Variants in NEMF observed in about 807,000 individuals in gnomAD.
NEMF encodes the protein ribosome quality control complex subunit NEMF.
A neutral mutation model predicts 162.2 loss-of-function variants in NEMF; 89 were observed. That is an observed-to-expected ratio of 0.55 (90% CI 0.46 to 0.65). The LOEUF is 0.65. Ranked by LOEUF, NEMF falls within the 30% of genes least tolerant of loss-of-function variation. The probability of loss-of-function intolerance (pLI) is 0.00; values close to 1 mark genes in which losing one functional copy is unlikely to be tolerated. For synonymous variants in NEMF, 421 were observed against 404.5 expected (o/e 1.04, Z -0.49); for missense variants, 1,133 against 1,261.9 (o/e 0.90, Z 1.55).
intron 18 of NEMF, among the ~76,000 whole-genome samples, chr14:49,810,364 C>T (rs2139890509): frequency 6.6e-6 from 1 of 151,940 alleles, no homozygotes; most frequent in Admixed American, 6.6e-5. Context: ...AAGACTCCAT[C>T]TCAAAAAACC....
At chr14:49,786,820 T>G (rs1890200567) in intron 28 of NEMF, 70 bp from the exon 29 acceptor site, 1 of 1,420,358 alleles carries the variant, frequency 7.0e-7, no homozygotes, top group African/African-American at 1.4e-5. Context: ...CATTAAACCA[T>G]AAGGAGAAAG....
intron 5 of NEMF, among the ~76,000 whole-genome samples, chr14:49,838,996 C>T (rs971142867): frequency 6.6e-6 from 1 of 152,000 alleles, no homozygotes; most frequent in African/African-American, 2.4e-5. Context: ...ACTAGATCTA[C>T]TGAATTAGCA....
intron 26 of NEMF, among the ~76,000 whole-genome samples, chr14:49,794,859 T>C (rs960153065): frequency 3.3e-5 from 5 of 151,824 alleles, no homozygotes; most frequent in African/African-American, 4.8e-5. Flanking sequence ...GCTGGGACTA[T>C]AGGCATGTAC....
intron 6 of NEMF, among the ~76,000 whole-genome samples, chr14:49,835,869 A>C (rs1241664557): frequency 6.6e-6 from 1 of 152,226 alleles, no homozygotes; most frequent in Admixed American, 6.5e-5. Flanking sequence ...GCAAAAATGA[A>C]ATTAAGAAAA....
Position 49,840,722 on chromosome 14 carries a change from C to A in NEMF, c.502G>T (p.Glu168Ter), listed in dbSNP as rs936069911. 6.2e-7 allele frequency: 1 copy of A among 1,610,338 alleles called. No homozygotes were observed. The highest frequency in any genetic ancestry group is 8.5e-7 in the Non-Finnish European group (1 of 1,179,000). ...ARAAEPLLTL[E>*]RLTEIVASAP... ...TTTAAAAACAAAACACTTTACCTTTCCAAAGTAAGCAAAGGTTCAGCAGCT... is the reference window on the plus strand; with the variant it reads ...TTTAAAAACAAAACACTTTACCTTTACAAAGTAAGCAAAGGTTCAGCAGCT... Residue 168 changes from glutamate to a stop codon, truncating the protein, a stop_gained, in exon 5 of 33, where the codon GAA (glutamate) becomes TAA (stop). Coordinates refer to ENST00000298310, the MANE Select transcript of NEMF (RefSeq NM_004713.6). LOFTEE classifies it high-confidence loss of function.
Position 49,832,801 on chromosome 14 carries a change from CACA to C in NEMF, c.736-527_736-525del, listed in dbSNP as rs565131723. On this transcript the variant is annotated intron_variant, in intron 8 of 32. Coordinates refer to ENST00000298310, the MANE Select transcript of NEMF (RefSeq NM_004713.6). ...TATTTAATGGTTGGGAGCTGTAAATCACAACATTTTTGAAAAGGGCTGACAAAT... is the reference window on the plus strand; with the variant it reads ...TATTTAATGGTTGGGAGCTGTAAATCACATTTTTGAAAAGGGCTGACAAAT... Among the ~76,000 whole-genome samples the C allele has an allele frequency of 1.2e-4, 18 of 152,248 alleles. No individual in the cohort carries two copies. In the South Asian group the frequency reaches 3.3e-3, roughly 28 times the overall value.
At chr14:49,794,723 T>TTC (rs1200463841) in intron 26 of NEMF, among the ~76,000 whole-genome samples, 4 of 150,692 alleles carry the variant, frequency 2.7e-5, no homozygotes, top group Non-Finnish European at 5.9e-5. Flanking sequence ...TACAGCTTTT[T>TTC]TTTTTTTTTT....
intron 26 of NEMF, among the ~76,000 whole-genome samples, chr14:49,795,059 T>G (rs889686143): frequency 3.3e-5 from 5 of 151,862 alleles, no homozygotes; most frequent in Non-Finnish European, 5.9e-5. Flanking sequence ...TAACCAGACA[T>G]GGTGGCTAAC....
rs182615377 is a variant in NEMF, at chr14:49,795,984, T to C, written c.2466-40A>G. 22 of 1,544,180 alleles carry C rather than the reference T, an allele frequency of 1.4e-5. No homozygotes were observed. In the East Asian group the frequency reaches 4.3e-4, roughly 30 times the overall value. ...CATGAAAACATTTCATTCTTAGAAT[T>C]TGAAATTCTTAGTGCCCTAAAAAAG... On this transcript the variant is annotated intron_variant, in intron 25 of 32. Transcript: ENST00000298310.
At chr14:49,789,656 T>C in intron 26 of NEMF, 83 bp from the exon 27 acceptor site, 1 of 1,529,438 alleles carries the variant, frequency 6.5e-7, no homozygotes, top group Non-Finnish European at 8.7e-7. Context: ...GGTGTTACTT[T>C]ATATTCTCTG....
At chr14:49,828,579 T>C (rs751574456) in intron 14 of NEMF, 37 bp downstream of exon 14, 5 of 1,455,036 alleles carry the variant, frequency 3.4e-6, no homozygotes, top group Non-Finnish European at 3.7e-6. Flanking sequence ...TTATTGCAGA[T>C]AACACTTGGC....
At chr14:49,786,931 G>A in intron 28 of NEMF, 181 bp from the exon 29 acceptor site, 1 of 561,358 alleles carries the variant, frequency 1.8e-6, no homozygotes, top group Non-Finnish European at 3.1e-6. Flanking sequence ...ATATGTGTTT[G>A]TGTGTGTCTG....
rs922218987 is a variant in NEMF at position 49,851,663 on chromosome 14, G to A, written c.131C>T (p.Pro44Leu). The A allele has an allele frequency of 9.9e-6, 16 of 1,612,606 alleles. No individual in the cohort carries two copies. Among genetic ancestry groups the A allele is most frequent in the Non-Finnish European group, 1.2e-5 (14 of 1,179,062 alleles). Residue 44 changes from proline (P) to leucine (L), a missense_variant and splice_region_variant, in exon 3 of 33, where the codon CCG (proline) becomes CTG (leucine). Physicochemically the swap from Pro to Leu is moderately conservative, Grantham distance 98 (BLOSUM62 -3). Coordinates refer to ENST00000298310, the MANE Select transcript of NEMF (RefSeq NM_004713.6). ...AAGTAAAAGTGTAGCTTTAAAGTCC[G>A]GTCTGTAGAAGAAAAAAGTCGAATT... ...NKTYLIRLQKPDFKATLLLES... is the reference protein window; with the variant it reads ...NKTYLIRLQKLDFKATLLLES...
chr14:49,832,228 T>G lies in NEMF; in HGVS notation c.785A>C (p.Lys262Thr). The change falls in exon 9 of 33, where the codon AAA becomes ACA. Residue 262 changes from lysine to threonine, a missense_variant. Lys to Thr is a moderately conservative substitution (Grantham distance 78). Around this residue, in one of 3 missense-constraint regions of NEMF, gnomAD observed 582 missense variants for 631.5 expected, o/e 0.92. Coordinates refer to ENST00000298310, the MANE Select transcript of NEMF (RefSeq NM_004713.6). ...REIKPSLEAD[K>T]PVEDILTYEE... The stretch of plus-strand genomic sequence containing the variant: ...TTACGTCAGTATGTCTTCAACTGGT[T>G]TATCTGCTTCCAAGCTTGGTTTTAT... 1 of 1,610,898 alleles carries G rather than the reference T, an allele frequency of 6.2e-7. No homozygotes were observed.
chr14:49,851,937 T>A, intron 1 of NEMF, 62 bp from the exon 2 acceptor site: 2 of 1,018,564 alleles, frequency 2.0e-6, no homozygotes, highest in Non-Finnish European at 2.9e-6. Flanking sequence ...AAACTACACA[T>A]AATTTAATAA....
intron 3 of NEMF, among the ~76,000 whole-genome samples, chr14:49,847,752 C>T (rs1308539269): frequency 1.3e-5 from 2 of 149,650 alleles, no homozygotes; most frequent in African/African-American, 5.0e-5. Flanking sequence ...AGAGTCTTTG[C>T]CAGGAGCGGT....
chr14:49,790,283 G>A (rs1186934507), intron 26 of NEMF, among the ~76,000 whole-genome samples: 2 of 152,144 alleles, frequency 1.3e-5, no homozygotes, highest in African/African-American at 4.8e-5. Context: ...AAAAACGCTT[G>A]CAATACATAT....
At chr14:49,840,117 G>A (rs1192237630) in intron 5 of NEMF, among the ~76,000 whole-genome samples, 1 of 152,030 alleles carries the variant, frequency 6.6e-6, no homozygotes, top group African/African-American at 2.4e-5. Context: ...CTATGATCAC[G>A]CCAACTGCAC....
chr14:49,806,050 T>A lies in NEMF; in HGVS notation c.1828A>T (p.Thr610Ser). The change falls in exon 19 of 33, where the codon ACT (threonine) becomes TCT (serine). Residue 610 changes from threonine to serine, a missense_variant. By Grantham distance (58) the Thr-to-Ser change is moderately conservative (BLOSUM62 1). Coordinates refer to ENST00000298310, the MANE Select transcript of NEMF (RefSeq NM_004713.6). ...TGATGGTACACCCACCAAGCACTAG[T>A]GATAACTCGTGCATCCCAAGCAGCA... ...YSAAWDARVI[T>S]SAWWVYHHQV... The A allele has an allele frequency of 6.2e-7, 1 of 1,611,252 alleles. No homozygotes were observed. The highest frequency in any genetic ancestry group is 8.5e-7 in the Non-Finnish European group (1 of 1,178,848).
Sources: gnomAD v4.1 joint callset for allele counts (sites outside exome capture counted in the v4.1 genomes callset) on GRCh38, gnomAD v4.1.1 for gene constraint, gnomAD v4.1.1 regional missense constraint, MANE v1.5 for transcripts, NCBI Gene and HGNC (gene_info 2026-07-23, HGNC 2026-07-21) for gene names.